Variants in L3MBTL4 observed in about 807,000 individuals in gnomAD.
The protein encoded by L3MBTL4 is lethal(3)malignant brain tumor-like protein 4.
Under a neutral mutation model 84.5 loss-of-function variants are expected in L3MBTL4, and 70 were observed. The ratio of observed to expected loss-of-function variants is 0.83; its 90% CI spans 0.68 to 1.01. The LOEUF (loss-of-function observed/expected upper bound fraction) is 1.01. Among genes scored for constraint, L3MBTL4 ranks in the 50% least tolerant of loss-of-function variants. The pLI is 0.00. For synonymous variants in L3MBTL4, 274 were observed against 259.8 expected (o/e 1.05, Z -0.52); for missense variants, 715 against 754.8 (o/e 0.95, Z 0.62).
At chr18:6,268,291 C>T (rs1355550212) in intron 4 of L3MBTL4, among the ~76,000 whole-genome samples, 11 of 152,110 alleles carry the variant, frequency 7.2e-5, no homozygotes, top group African/African-American at 2.7e-4. Context: ...ACTGTAATCC[C>T]AGCTACTCAG....
At chr18:6,211,380 C>T (rs1225368058) in intron 12 of L3MBTL4, among the ~76,000 whole-genome samples, 1 of 152,014 alleles carries the variant, frequency 6.6e-6, no homozygotes, top group Non-Finnish European at 1.5e-5. Flanking sequence ...ATAAAGATTT[C>T]CTTTGAAAAA....
chr18:6,338,990 A>C (rs1156393635), intron 1 of L3MBTL4, among the ~76,000 whole-genome samples: 9 of 152,200 alleles, frequency 5.9e-5, no homozygotes, highest in Admixed American at 5.9e-4. Context: ...TCATTAACAG[A>C]ATTTCAAAAC....
intron 4 of L3MBTL4, among the ~76,000 whole-genome samples, chr18:6,297,619 T>C (rs1017671862): frequency 6.6e-6 from 1 of 152,218 alleles, no homozygotes; most frequent in Non-Finnish European, 1.5e-5. Context: ...AAGTTTTTAG[T>C]TCAGGAGTTT....
At chr18:5,968,051 C>A (rs553038171) in intron 17 of L3MBTL4, among the ~76,000 whole-genome samples, 1 of 152,328 alleles carries the variant, frequency 6.6e-6, no homozygotes, top group South Asian at 2.1e-4. Flanking sequence ...ACAAAGAGGG[C>A]AGAGGAGACA....
At chr18:6,292,085 T>C (rs1294986834) in intron 4 of L3MBTL4, among the ~76,000 whole-genome samples, 1 of 152,226 alleles carries the variant, frequency 6.6e-6, no homozygotes, top group African/African-American at 2.4e-5. Flanking sequence ...AATTTTGATC[T>C]TTACAAATTA....
chr18:6,000,252 C>A (rs1158464992), intron 16 of L3MBTL4, among the ~76,000 whole-genome samples: 3 of 152,024 alleles, frequency 2.0e-5, no homozygotes, highest in African/African-American at 7.3e-5. Flanking sequence ...GACATTCTGA[C>A]ATGTTTGGAA....
At chr18:6,335,758 C>T (rs1346939523) in intron 1 of L3MBTL4, among the ~76,000 whole-genome samples, 1 of 152,166 alleles carries the variant, frequency 6.6e-6, no homozygotes, top group East Asian at 1.9e-4. Flanking sequence ...GACAATACCT[C>T]CTTCACACAC....
intron 13 of L3MBTL4, among the ~76,000 whole-genome samples, chr18:6,139,428 C>G (rs1180715115): frequency 6.6e-6 from 1 of 152,012 alleles, no homozygotes; most frequent in Non-Finnish European, 1.5e-5. Context: ...TCAATATTAT[C>G]AGTAGCAAAA....
chr18:6,376,995 G>T (rs1441197025), intron 1 of L3MBTL4, among the ~76,000 whole-genome samples: 4 of 152,106 alleles, frequency 2.6e-5, no homozygotes, highest in Non-Finnish European at 5.9e-5. Flanking sequence ...ACAAATTCCA[G>T]AAAGTTCTCT....
intron 10 of L3MBTL4, among the ~76,000 whole-genome samples, chr18:6,221,007 C>A (rs2046527513): frequency 1.3e-5 from 2 of 152,076 alleles, no homozygotes; most frequent in South Asian, 4.2e-4. Flanking sequence ...CTATACAATG[C>A]AAATGTAATA....
intron 13 of L3MBTL4, among the ~76,000 whole-genome samples, chr18:6,158,932 T>C (rs1168620932): frequency 3.3e-5 from 5 of 152,144 alleles, no homozygotes; most frequent in African/African-American, 1.2e-4. Flanking sequence ...CAAACAGCTC[T>C]TCCTCCTTGG....
At chr18:6,237,858 T>A in intron 10 of L3MBTL4, 106 bp downstream of exon 10, 1 of 836,042 alleles carries the variant, frequency 1.2e-6, no homozygotes, top group South Asian at 1.4e-5. Context: ...GTTTTTATCA[T>A]ATTAAATAGA....
intron 10 of L3MBTL4, among the ~76,000 whole-genome samples, chr18:6,225,129 A>G (rs867050052): frequency 2.0e-5 from 3 of 152,172 alleles, no homozygotes; most frequent in Non-Finnish European, 4.4e-5. Flanking sequence ...CCTAACAATG[A>G]TCATAAACTT....
At chr18:6,251,839 T>G (rs994362873) in intron 5 of L3MBTL4, among the ~76,000 whole-genome samples, 1 of 152,146 alleles carries the variant, frequency 6.6e-6, no homozygotes, top group Admixed American at 6.5e-5. Context: ...AATGTGGGAA[T>G]TTAATATAAA....
chr18:6,118,893 T>A (rs1190401368), intron 14 of L3MBTL4, among the ~76,000 whole-genome samples: 3 of 152,044 alleles, frequency 2.0e-5, no homozygotes, highest in Non-Finnish European at 4.4e-5. Flanking sequence ...AGAAGAACAG[T>A]ACTTTGATCA....
chr18:6,381,557 T>C (rs181701671), intron 1 of L3MBTL4, among the ~76,000 whole-genome samples: 66 of 152,366 alleles, frequency 4.3e-4, no homozygotes, highest in East Asian at 7.7e-4. Context: ...CATTTGCTTG[T>C]CTGTAAAGGA....
chr18:6,114,688 T>C (rs1274125667), intron 14 of L3MBTL4, among the ~76,000 whole-genome samples: 2 of 152,224 alleles, frequency 1.3e-5, no homozygotes, highest in Admixed American at 1.3e-4. Flanking sequence ...TCTGAAACCT[T>C]TTTTCCATTA....
At chr18:5,959,418 C>T (rs552800721) in intron 18 of L3MBTL4, among the ~76,000 whole-genome samples, 117 of 152,198 alleles carry the variant, frequency 7.7e-4, no homozygotes, top group Non-Finnish European at 1.6e-3. Flanking sequence ...GATACACAAG[C>T]ACTGGGATTA....
At chr18:6,032,821 C>T (rs563284417) in intron 16 of L3MBTL4, among the ~76,000 whole-genome samples, 86 of 152,174 alleles carry the variant, frequency 5.7e-4, no homozygotes, top group Admixed American at 2.0e-4. Context: ...CTTTTTGTTA[C>T]TGGCTTATTT....
Sources: gnomAD v4.1 joint callset for allele counts (sites outside exome capture counted in the v4.1 genomes callset) on GRCh38, gnomAD v4.1.1 for gene constraint, MANE v1.5 for transcripts, NCBI Gene and HGNC (gene_info 2026-07-23, HGNC 2026-07-21) for gene names.